Variants in AKAP6 observed in about 807,000 individuals in gnomAD.
AKAP6 encodes the protein A-kinase anchor protein 6.
AKAP6 carries 58 observed loss-of-function variants against 188.5 expected under a neutral mutation model. The observed-to-expected ratio is 0.31, with a 90% CI of 0.25 to 0.38. AKAP6 has a LOEUF of 0.38. AKAP6 is among the 10% of genes least tolerant of loss of function. AKAP6 has a pLI of 1.00. For missense variants in AKAP6, 2,710 were observed against 2,740.0 expected (o/e 0.99, Z 0.24); for synonymous variants, 989 against 998.6 (o/e 0.99, Z 0.18).
At chr14:32,597,630 C>G (rs1305058169) in intron 5 of AKAP6, among the ~76,000 whole-genome samples, 2 of 152,106 alleles carry the variant, frequency 1.3e-5, no homozygotes, top group Admixed American at 1.3e-4. Context: ...CAACCAGATA[C>G]CTGTGGCTAA....
At position 32,823,830 on chromosome 14, in the gene AKAP6, A is replaced by G. The variant is rs2034599732; in HGVS notation, c.6017A>G (p.Asp2006Gly). The G allele has an allele frequency of 6.2e-7, 1 of 1,613,570 alleles. No homozygotes were observed. The highest frequency in any genetic ancestry group is 1.3e-5 in the African/African-American group (1 of 75,004). The change falls in exon 13 of 14, where the codon GAT (aspartate) becomes GGT (glycine). Residue 2006 changes from aspartate (D) to glycine (G), a missense_variant. This residue lies in a region of AKAP6 where 2,473 missense variants were observed against 2,426.1 expected (regional missense o/e 1.02). Transcript: ENST00000280979. ...RQDSDALKSS[D>G]DAPSMAGKSA... is the part of the protein sequence containing the mutation. ...GACTCTGATGCACTGAAATCATCTG[A>G]TGATGCACCGAGTATGGCTGGAAAA... is the stretch of plus-strand genomic sequence containing the variant.
intron 12 of AKAP6, among the ~76,000 whole-genome samples, chr14:32,798,174 CA>C (rs2033833353): frequency 6.8e-6 from 1 of 148,022 alleles, no homozygotes; most frequent in East Asian, 2.0e-4. Context: ...TAGAGAAATG[CA>C]AATCAAAACC....
chr14:32,525,736 TCCAA>T (rs987610505), intron 2 of AKAP6, among the ~76,000 whole-genome samples: 32 of 152,174 alleles, frequency 2.1e-4, no homozygotes, highest in Admixed American at 6.5e-5. Context: ...CAATATTTTA[TCCAA>T]TTGAATTCGA....
intron 11 of AKAP6, among the ~76,000 whole-genome samples, chr14:32,741,535 T>A (rs1283574133): frequency 2.0e-5 from 3 of 151,968 alleles, no homozygotes; most frequent in African/African-American, 7.2e-5. Context: ...ATATGTTCCA[T>A]CCATCCCCAT....
chr14:32,700,484 AATATT>A (rs1365613548), intron 9 of AKAP6, among the ~76,000 whole-genome samples: 1 of 152,210 alleles, frequency 6.6e-6, no homozygotes, highest in East Asian at 1.9e-4. Flanking sequence ...TCATCAATAA[AATATT>A]AGATTATAGT....
chr14:32,811,914 G>A (rs1366953914), intron 12 of AKAP6, among the ~76,000 whole-genome samples: 2 of 152,104 alleles, frequency 1.3e-5, no homozygotes, highest in Non-Finnish European at 2.9e-5. Context: ...AGGAAAATTC[G>A]TATGTTAGAA....
At chr14:32,450,299 G>A (rs554332854) in intron 2 of AKAP6, among the ~76,000 whole-genome samples, 36 of 151,928 alleles carry the variant, frequency 2.4e-4, no homozygotes, top group African/African-American at 7.5e-4. Flanking sequence ...ACTGTGGTAG[G>A]GTGAGCTGGG....
chr14:32,767,512 T>G (rs1425230019), intron 11 of AKAP6, among the ~76,000 whole-genome samples: 1 of 152,148 alleles, frequency 6.6e-6, no homozygotes, highest in Non-Finnish European at 1.5e-5. Flanking sequence ...TCCCCACCAC[T>G]GAGAGCACTG....
chr14:32,782,158 CTG>C (rs905265924), intron 12 of AKAP6, among the ~76,000 whole-genome samples: 1 of 115,034 alleles, frequency 8.7e-6, no homozygotes, highest in African/African-American at 3.4e-5. Context: ...GAGAGCAACT[CTG>C]TCTCAAAAAA....
At chr14:32,362,650 G>C (rs1446713659) in intron 1 of AKAP6, among the ~76,000 whole-genome samples, 1 of 152,130 alleles carries the variant, frequency 6.6e-6, no homozygotes, top group Non-Finnish European at 1.5e-5. Context: ...ATGTAACTGA[G>C]GTATTAAGTA....
At chr14:32,573,868 C>T (rs937111844) in intron 4 of AKAP6, among the ~76,000 whole-genome samples, 7 of 152,132 alleles carry the variant, frequency 4.6e-5, no homozygotes, top group African/African-American at 1.7e-4. Context: ...TCCACATGGT[C>T]TGTGTATAGA....
intron 9 of AKAP6, among the ~76,000 whole-genome samples, chr14:32,730,631 G>A (rs536707993): frequency 9.2e-5 from 14 of 152,082 alleles, no homozygotes; most frequent in Non-Finnish European, 1.8e-4. Context: ...CACAGCCAGA[G>A]GACTCTTTCT....
At chr14:32,671,582 C>T (rs1462356389) in intron 7 of AKAP6, among the ~76,000 whole-genome samples, 2 of 150,912 alleles carry the variant, frequency 1.3e-5, no homozygotes, top group East Asian at 3.9e-4. Flanking sequence ...AAACTTGATG[C>T]AGGAAAGAAA....
chr14:32,504,952 C>A (rs1170579754), intron 2 of AKAP6, among the ~76,000 whole-genome samples: 2 of 152,272 alleles, frequency 1.3e-5, no homozygotes, highest in African/African-American at 4.8e-5. Flanking sequence ...ACAACAGAAC[C>A]AATTGATGGC....
intron 4 of AKAP6, among the ~76,000 whole-genome samples, chr14:32,555,343 A>G (rs1039232921): frequency 6.6e-6 from 1 of 152,114 alleles, no homozygotes; most frequent in Non-Finnish European, 1.5e-5. Context: ...TCATTTTTAC[A>G]TTTCTTTTCC....
chr14:32,783,307 A>G (rs2033307717), intron 12 of AKAP6, among the ~76,000 whole-genome samples: 2 of 152,164 alleles, frequency 1.3e-5, no homozygotes, highest in Admixed American at 1.3e-4. Context: ...AAAAAAAATC[A>G]TAGGGTAAAA....
chr14:32,484,947 C>T lies in AKAP6; in HGVS notation c.325-50607C>T, dbSNP rs557883494. The T allele has an allele frequency of 6.4e-5, 14 of 218,170 alleles. 6 individuals are homozygous for T. The highest frequency in any genetic ancestry group is 3.9e-4 in the Admixed American group (4 of 10,316). 13.5% of individuals were successfully genotyped at this position (218,170 alleles called of 1,614,324 possible). A position where few individuals can be genotyped will look rare whatever the true frequency, so the allele number is the denominator to read the frequency against. On this transcript the variant is annotated intron_variant, in intron 2 of 13. Coordinates refer to ENST00000280979, the MANE Select transcript of AKAP6 (RefSeq NM_004274.5). Reference sequence around the variant, plus strand: ...GCTTCAAACCTGGCGGGGCTTCTCCCGCCTTTTTTTCCTGCGGCGGGAGAA... The same window carrying T: ...GCTTCAAACCTGGCGGGGCTTCTCCTGCCTTTTTTTCCTGCGGCGGGAGAA...
intron 2 of AKAP6, among the ~76,000 whole-genome samples, chr14:32,509,120 C>T (rs1456721430): frequency 1.1e-5 from 1 of 94,772 alleles, no homozygotes; most frequent in African/African-American, 4.2e-5. Context: ...TGCCCTGCCT[C>T]TTTTTTTTTT....
intron 7 of AKAP6, among the ~76,000 whole-genome samples, chr14:32,665,003 C>T (rs1888861377): frequency 6.6e-6 from 1 of 152,122 alleles, no homozygotes; most frequent in Admixed American, 6.5e-5. Context: ...AATTCATGTA[C>T]TTGGAGATGT....
Sources: allele counts gnomAD v4.1 joint callset (sites outside exome capture counted in the v4.1 genomes callset), GRCh38; gene constraint gnomAD v4.1.1; regional missense constraint gnomAD v4.1.1; transcripts MANE v1.5; gene names NCBI Gene and HGNC (gene_info 2026-07-23, HGNC 2026-07-21).